Variants in KMT2C observed in about 807,000 individuals in gnomAD.
KMT2C encodes histone-lysine N-methyltransferase 2C.
A neutral mutation model predicts 507.9 loss-of-function variants in KMT2C; 88 were observed. The ratio of observed to expected loss-of-function variants is 0.17; its 90% CI spans 0.15 to 0.21. The LOEUF (loss-of-function observed/expected upper bound fraction) is 0.21, where lower values mean the gene tolerates loss of function less well. Ranked by LOEUF, KMT2C falls within the 10% of genes least tolerant of loss-of-function variation. KMT2C has a pLI of 1.00. For missense variants in KMT2C, 4,954 were observed against 5,957.8 expected, an observed-to-expected ratio of 0.83 and a Z score of 5.55; for synonymous variants, 2,049 against 2,080.8, an observed-to-expected ratio of 0.98 and a Z score of 0.42.
At chr7:152,337,843 C>T (rs1193302913) in intron 2 of KMT2C, among the ~76,000 whole-genome samples, 1 of 151,512 alleles carries the variant, frequency 6.6e-6, no homozygotes, top group Non-Finnish European at 1.5e-5. Context: ...GTCCACCTCA[C>T]TTATACAACT....
chr7:152,176,397 T>C lies in KMT2C; in HGVS notation c.9056A>G (p.Gln3019Arg). Residue 3019 changes from glutamine to arginine, a missense_variant, in exon 38 of 59, where the codon CAG (glutamine) becomes CGG (arginine). By Grantham distance (43) the Gln-to-Arg change is conservative. Coordinates refer to ENST00000262189, the MANE Select transcript of KMT2C (RefSeq NM_170606.3). ...TCCAGACATGCTACTGGTACCAGAC[T>C]GACTTGTTTGAGGCCCAGTTTGAGT... ...PATQTGPQTS[Q>R]SGTSSMSGPQ... 6.2e-7 allele frequency: 1 copy of C among 1,614,178 alleles called. No individual in the cohort carries two copies. Among genetic ancestry groups the C allele is most frequent in the South Asian group, 1.1e-5 (1 of 91,078 alleles).
intron 1 of KMT2C, among the ~76,000 whole-genome samples, chr7:152,380,495 G>A (rs1283125383): frequency 6.6e-6 from 1 of 151,696 alleles, no homozygotes; most frequent in African/African-American, 2.4e-5. Flanking sequence ...TTGAACCCGG[G>A]AGGCAGAGGT....
At chr7:152,429,943 CG>C (rs1409403749) in intron 1 of KMT2C, among the ~76,000 whole-genome samples, 6 of 151,964 alleles carry the variant, frequency 3.9e-5, no homozygotes, top group Non-Finnish European at 7.4e-5. Flanking sequence ...TTGGGAGTGC[CG>C]AGGCAGGCAG....
At chr7:152,312,193 G>T (rs1228089458) in intron 4 of KMT2C, 9 of 286,136 alleles carry the variant, frequency 3.1e-5, no homozygotes, top group Admixed American at 5.0e-5. Context: ...GTATTAAATT[G>T]TAAATTTGTT....
intron 1 of KMT2C, among the ~76,000 whole-genome samples, chr7:152,401,097 ACT>A (rs1491288566): frequency 1.3e-5 from 2 of 150,370 alleles, no homozygotes; most frequent in Admixed American, 6.6e-5. Flanking sequence ...CTATTCATTA[ACT>A]TTTTTTTTTT....
intron 5 of KMT2C, among the ~76,000 whole-genome samples, chr7:152,310,471 A>C (rs547301620): frequency 6.6e-6 from 1 of 152,302 alleles, no homozygotes; most frequent in African/African-American, 2.4e-5. Context: ...AGGCTGAGGC[A>C]TGAGAATCGC....
At chr7:152,257,366 G>A (rs1182754457) in intron 9 of KMT2C, among the ~76,000 whole-genome samples, 1 of 152,196 alleles carries the variant, frequency 6.6e-6, no homozygotes, top group African/African-American at 2.4e-5. Flanking sequence ...AATGAAGTTA[G>A]TTACTTCCAA....
intron 23 of KMT2C, among the ~76,000 whole-genome samples, chr7:152,212,785 A>G (rs553777173): frequency 6.6e-6 from 1 of 152,406 alleles, no homozygotes; most frequent in African/African-American, 2.4e-5. Context: ...TCACGCCTGT[A>G]ATCCCAGCAC....
At chr7:152,236,047 A>G (rs1468123326) in intron 15 of KMT2C, 114 bp from the exon 16 acceptor site, 14 of 624,248 alleles carry the variant, frequency 2.2e-5, no homozygotes, top group South Asian at 6.1e-5. Flanking sequence ...ACTTCCTTAG[A>G]TAAGTATTAA....
chr7:152,224,296 A>C, intron 19 of KMT2C, 117 bp from the exon 20 acceptor site: 1 of 1,290,504 alleles, frequency 7.7e-7, no homozygotes, highest in East Asian at 2.4e-5. Flanking sequence ...TGTATGTGAA[A>C]ATTTTTCTGA....
intron 2 of KMT2C, among the ~76,000 whole-genome samples, chr7:152,354,792 C>A (rs1476198957): frequency 6.6e-6 from 1 of 152,126 alleles, no homozygotes; most frequent in Non-Finnish European, 1.5e-5. Context: ...ACATAAGATA[C>A]GGTTATACAA....
intron 1 of KMT2C, among the ~76,000 whole-genome samples, chr7:152,360,958 T>C (rs1480979343): frequency 1.3e-5 from 2 of 151,936 alleles, no homozygotes; most frequent in Non-Finnish European, 2.9e-5. Flanking sequence ...AGGAAGTACC[T>C]GACTCAGAAT....
rs1228443498 is a variant in KMT2C, at chr7:152,148,948, C to T, written c.12979G>A (p.Val4327Met). 1 of 1,608,348 alleles carries T rather than the reference C, an allele frequency of 6.2e-7. No individual in the cohort carries two copies. The highest frequency in any genetic ancestry group is 8.5e-7 in the Non-Finnish European group (1 of 1,177,122). ...QVEAKPDELK[V>M]TVKLKPRLRA... ...AGCCGAGGCTTCAGCTTGACTGTCACCTTCAGCTCATCTGGCTTGGCCTCG... is the reference window on the plus strand; with the variant it reads ...AGCCGAGGCTTCAGCTTGACTGTCATCTTCAGCTCATCTGGCTTGGCCTCG... The change falls in exon 52 of 59, where the codon GTG becomes ATG. Residue 4327 changes from valine (V) to methionine (M), a missense_variant. By Grantham distance (21) the Val-to-Met change is conservative. Around this residue, in one of 29 missense-constraint regions of KMT2C, gnomAD observed 417 missense variants for 461.1 expected, o/e 0.90. Coordinates refer to ENST00000262189, the MANE Select transcript of KMT2C (RefSeq NM_170606.3). This position sits in a 1 kb window ranked among gnomAD's most constrained non-coding sequence, Gnocchi z 7.1.
chr7:152,253,821 ACC>A (rs1445348124), intron 9 of KMT2C, among the ~76,000 whole-genome samples: 20 of 152,294 alleles, frequency 1.3e-4, no homozygotes, highest in Admixed American at 1.3e-3. Context: ...TCCTATCCTT[ACC>A]AAATTAGAAT....
chr7:152,389,239 C>G (rs2097465119), intron 1 of KMT2C, among the ~76,000 whole-genome samples: 1 of 151,124 alleles, frequency 6.6e-6, no homozygotes, highest in Non-Finnish European at 1.5e-5. Flanking sequence ...ATTCTGGAGA[C>G]TGGAAGTCCC....
chr7:152,158,649 G>T (rs1295831034), intron 44 of KMT2C, among the ~76,000 whole-genome samples: 1 of 151,886 alleles, frequency 6.6e-6, no homozygotes, highest in Non-Finnish European at 1.5e-5. Context: ...CCAAGTAGCT[G>T]GAATTACAGG....
chr7:152,303,762 C>T (rs540217257), intron 6 of KMT2C, among the ~76,000 whole-genome samples: 5 of 152,246 alleles, frequency 3.3e-5, no homozygotes, highest in Admixed American at 6.5e-5. Context: ...CCAAGGCAGG[C>T]GGATCACCTG....
rs774013500 is a variant in KMT2C, at chr7:152,248,393, C to T, written c.2041G>A (p.Glu681Lys). 6 of 1,614,024 alleles carry T rather than the reference C, an allele frequency of 3.7e-6. No individual in the cohort carries two copies. In the Admixed American group the frequency reaches 8.3e-5, roughly 22 times the overall value. The change falls in exon 14 of 59, where the codon GAA (glutamate) becomes AAA (lysine). Residue 681 changes from glutamate to lysine, a missense_variant. Around this residue, in one of 29 missense-constraint regions of KMT2C, gnomAD observed 376 missense variants for 352.4 expected, o/e 1.07. Transcript: ENST00000262189. ...EEPETVVSRE[E>K]SRPPKLVMES... is the part of the protein sequence containing the mutation. ...ATGACTAATTTTGGAGGCCTTGATTCTTCTCTGGATACCACTGTTTCAGGT... is the reference window on the plus strand; with the variant it reads ...ATGACTAATTTTGGAGGCCTTGATTTTTCTCTGGATACCACTGTTTCAGGT...
intron 6 of KMT2C, among the ~76,000 whole-genome samples, chr7:152,296,773 T>A (rs2096500893): frequency 6.6e-6 from 1 of 152,074 alleles, no homozygotes; most frequent in Admixed American, 6.6e-5. Context: ...TGCATAATAC[T>A]TCTAATTCTG....
Sources: allele counts gnomAD v4.1 joint callset (sites outside exome capture counted in the v4.1 genomes callset), GRCh38; gene constraint gnomAD v4.1.1; regional missense constraint gnomAD v4.1.1; non-coding constraint Gnocchi (gnomAD v3.1); transcripts MANE v1.5; gene names NCBI Gene and HGNC (gene_info 2026-07-23, HGNC 2026-07-21).